The following QSOX1 variants were observed in gnomAD, a reference collection of about 807,000 sequenced individuals.
The protein encoded by QSOX1 is sulfhydryl oxidase 1.
In QSOX1, 40 loss-of-function variants were observed where a neutral mutation model predicts 76.1. The observed-to-expected ratio is 0.53, with a 90% CI of 0.41 to 0.68. QSOX1 has a LOEUF of 0.68. Among genes scored for constraint, QSOX1 ranks in the 30% least tolerant of loss-of-function variants. The pLI is 0.00. For missense variants in QSOX1, 931 were observed against 974.3 expected (o/e 0.96, Z 0.59); for synonymous variants, 392 against 413.1 (o/e 0.95, Z 0.62).
intron 10 of QSOX1, among the ~76,000 whole-genome samples, chr1:180,191,865 T>G (rs982594031): frequency 3.9e-5 from 6 of 152,030 alleles, no homozygotes; most frequent in Non-Finnish European, 7.4e-5. Context: ...AGACGTCTGT[T>G]GTCTGAGTTC....
Position 180,203,917 on chromosome 1 carries a change from CATA to C in QSOX1, c.*6882_*6884del, listed in dbSNP as rs1663681050. ...AGGGCTGTCCAATTACTGAATCATA[CATA>C]AAAGCCAAGTAAGATTTTAAAATTT... On this transcript the variant is annotated 3_prime_UTR_variant, in exon 12 of 12. Coordinates refer to ENST00000367602, the MANE Select transcript of QSOX1 (RefSeq NM_002826.5). 1 of 152,212 alleles carries C rather than the reference CATA, an allele frequency of 6.6e-6. No individual in the cohort carries two copies. Among genetic ancestry groups the C allele is most frequent in the African/African-American group, 2.4e-5 (1 of 41,446 alleles). The allele number at this position is 152,212 out of a possible 1,614,324, so 9.4% of individuals were successfully genotyped here.
At chr1:180,172,552 C>T (rs1266249754) in intron 2 of QSOX1, among the ~76,000 whole-genome samples, 1 of 152,162 alleles carries the variant, frequency 6.6e-6, no homozygotes, top group African/African-American at 2.4e-5. Flanking sequence ...CAGAGTCTCT[C>T]TCTGTCGCCC....
chr1:180,173,345 C>T (rs961303332), intron 2 of QSOX1, among the ~76,000 whole-genome samples: 1 of 151,806 alleles, frequency 6.6e-6, no homozygotes. Context: ...CCATAAATGC[C>T]GTAACTTACA....
At chr1:180,160,681 C>T (rs1662473248) in intron 1 of QSOX1, among the ~76,000 whole-genome samples, 2 of 152,172 alleles carry the variant, frequency 1.3e-5, no homozygotes, top group African/African-American at 4.8e-5. Context: ...TCCAATGAAA[C>T]TCTTGTTCAG....
intron 1 of QSOX1, among the ~76,000 whole-genome samples, chr1:180,155,826 C>G (rs544456657): frequency 6.6e-6 from 1 of 152,218 alleles, no homozygotes; most frequent in Non-Finnish European, 1.5e-5. Flanking sequence ...CCTTCTCTCT[C>G]TTCCCCCGCT....
Position 180,194,366 on chromosome 1 carries a change from A to G in QSOX1, c.1442A>G (p.His481Arg). 6.4e-7 allele frequency: 1 copy of G among 1,573,222 alleles called. No individual in the cohort carries two copies. ...NAAVLWLWSS[H>R]NRVNARLAGA... is the part of the protein sequence containing the mutation. ...GCTGTCCTCTGGCTCTGGTCTAGCC[A>G]CAACAGGGTCAATGCTCGCCTTGCA... Residue 481 changes from histidine (H) to arginine (R), a missense_variant, in exon 11 of 12, where the codon CAC becomes CGC. Transcript: ENST00000367602.
chr1:180,194,999 G>T (rs7513713), intron 11 of QSOX1, among the ~76,000 whole-genome samples: 27,505 of 150,400 alleles, frequency 0.18, 4,293 homozygotes, highest in African/African-American at 0.39. Flanking sequence ...AGCCTCCCGG[G>T]GGGGGGAGAC....
At chr1:180,177,161 A>G (rs1342348248) in intron 4 of QSOX1, among the ~76,000 whole-genome samples, 1 of 151,664 alleles carries the variant, frequency 6.6e-6, no homozygotes, top group Non-Finnish European at 1.5e-5. Context: ...CCTTACACAC[A>G]CACGTACATC....
chr1:180,160,025 G>A (rs1213081973), intron 1 of QSOX1, among the ~76,000 whole-genome samples: 2 of 152,122 alleles, frequency 1.3e-5, no homozygotes, highest in African/African-American at 4.8e-5. Context: ...TATCATTCCA[G>A]CTGGAGAGAG....
At chr1:180,178,917 G>A (rs371237160) in intron 5 of QSOX1, 33 bp downstream of exon 5, 482 of 1,577,722 alleles carry the variant, frequency 3.1e-4, no homozygotes, top group Middle Eastern at 5.0e-4. Flanking sequence ...GCAATTCTTG[G>A]ATAGCCATGG....
chr1:180,200,636 A>C lies in QSOX1; in HGVS notation c.*3599A>C, dbSNP rs936086083. The C allele has an allele frequency of 6.6e-6, 1 of 152,250 alleles. No homozygotes were observed. The highest frequency in any genetic ancestry group is 2.4e-5 in the African/African-American group (1 of 41,456). The allele number at this position is 152,250 out of a possible 1,614,324, so 9.4% of individuals were successfully genotyped here. ...TCTCATTTAATCCTCCAACAACGCAAGATGAAGAAGCTGAGGCTTAAAGAG... is the reference window on the plus strand; with the variant it reads ...TCTCATTTAATCCTCCAACAACGCACGATGAAGAAGCTGAGGCTTAAAGAG... On this transcript the variant is annotated 3_prime_UTR_variant, in exon 12 of 12. Coordinates refer to ENST00000367602, the MANE Select transcript of QSOX1 (RefSeq NM_002826.5).
At chr1:180,188,722 T>C (rs1663233687) in intron 8 of QSOX1, among the ~76,000 whole-genome samples, 2 of 152,226 alleles carry the variant, frequency 1.3e-5, no homozygotes, top group African/African-American at 2.4e-5. Context: ...ATCCTTCTCC[T>C]CTCAAATGTT....
chr1:180,176,186 C>A (rs1662887901), intron 4 of QSOX1, among the ~76,000 whole-genome samples, 153 bp downstream of exon 4: 2 of 152,222 alleles, frequency 1.3e-5, no homozygotes, highest in Non-Finnish European at 2.9e-5. Context: ...TGGAGCTACT[C>A]CAGAACCAAG....
At chr1:180,165,230 G>A (rs1478762223) in intron 1 of QSOX1, among the ~76,000 whole-genome samples, 2 of 152,228 alleles carry the variant, frequency 1.3e-5, no homozygotes, top group Non-Finnish European at 2.9e-5. Flanking sequence ...TGGGTGCTGG[G>A]TGGGCTGCCT....
chr1:180,184,097 A>G (rs1663109446), intron 7 of QSOX1, 47 bp downstream of exon 7: 2 of 1,595,260 alleles, frequency 1.3e-6, no homozygotes, highest in Admixed American at 1.7e-5. Context: ...TCCTCTGATC[A>G]CAGACCACCA....
At chr1:180,178,318 C>T (rs1341552820) in intron 4 of QSOX1, among the ~76,000 whole-genome samples, 1 of 152,250 alleles carries the variant, frequency 6.6e-6, no homozygotes. Context: ...CAGCTCACTG[C>T]AACCTCCACT....
intron 1 of QSOX1, among the ~76,000 whole-genome samples, chr1:180,155,711 T>G (rs1662362131): frequency 6.6e-6 from 1 of 152,236 alleles, no homozygotes; most frequent in African/African-American, 2.4e-5. Context: ...ACTTCCTTTC[T>G]CATTTTTGTC....
intron 1 of QSOX1, among the ~76,000 whole-genome samples, chr1:180,164,709 G>A (rs1409182873): frequency 6.6e-6 from 1 of 152,218 alleles, no homozygotes. Context: ...CTGAAATTGT[G>A]TTCTTCTGAG....
chr1:180,189,138 C>T (rs1050342480), intron 8 of QSOX1, among the ~76,000 whole-genome samples: 1 of 152,140 alleles, frequency 6.6e-6, no homozygotes, highest in Non-Finnish European at 1.5e-5. Flanking sequence ...CAGCTCTATC[C>T]GAGGACCACC....
Sources: gnomAD v4.1 joint callset for allele counts (sites outside exome capture counted in the v4.1 genomes callset) on GRCh38, gnomAD v4.1.1 for gene constraint, MANE v1.5 for transcripts, NCBI Gene and HGNC (gene_info 2026-07-23, HGNC 2026-07-21) for gene names.